USPL1: variants seen among roughly 807,000 people sequenced by gnomAD.
USPL1 encodes ubiquitin specific peptidase like 1, also known as SUMO-specific isopeptidase USPL1.
USPL1 carries 27 observed loss-of-function variants against 51.5 expected under a neutral mutation model. The ratio of observed to expected loss-of-function variants is 0.52; its 90% CI spans 0.39 to 0.72. The LOEUF (loss-of-function observed/expected upper bound fraction) is 0.72, where lower values mean the gene tolerates loss of function less well. Ranked by LOEUF, USPL1 falls within the 30% of genes least tolerant of loss-of-function variation. The pLI is 0.00. For synonymous variants in USPL1, 451 were observed against 459.6 expected, an observed-to-expected ratio of 0.98 and a Z score of 0.24; for missense variants, 1,226 against 1,268.0, an observed-to-expected ratio of 0.97 and a Z score of 0.50.
chr13:30,628,809 C>T (rs1221495915), intron 3 of USPL1, among the ~76,000 whole-genome samples: 3 of 152,192 alleles, frequency 2.0e-5, no homozygotes, highest in Non-Finnish European at 2.9e-5. Context: ...GTTTGAGTTG[C>T]TTTCACTTTT....
chr13:30,627,325 AAG>A (rs1468519575), intron 3 of USPL1, among the ~76,000 whole-genome samples: 1 of 152,182 alleles, frequency 6.6e-6, no homozygotes, highest in East Asian at 1.9e-4. Context: ...ATTTTATAAA[AAG>A]AAAAAAGATA....
chr13:30,629,967 T>TATC (rs1456844016), intron 3 of USPL1, among the ~76,000 whole-genome samples: 1 of 145,556 alleles, frequency 6.9e-6, no homozygotes, highest in African/African-American at 2.8e-5. Context: ...AATTAACTAT[T>TATC]ATTATTATTA....
intron 6 of USPL1, among the ~76,000 whole-genome samples, chr13:30,644,958 T>C (rs1296290189): frequency 6.6e-6 from 1 of 152,210 alleles, no homozygotes; most frequent in Non-Finnish European, 1.5e-5. Flanking sequence ...CATTGCTTTA[T>C]ATAAATTCTC....
intron 5 of USPL1, among the ~76,000 whole-genome samples, chr13:30,640,454 C>T (rs986150518): frequency 6.6e-6 from 1 of 152,254 alleles, no homozygotes; most frequent in African/African-American, 2.4e-5. Flanking sequence ...CTTTGGGAGG[C>T]CGAGGCGGGT....
chr13:30,620,582 A>G (rs1248209578), intron 1 of USPL1, among the ~76,000 whole-genome samples: 1 of 152,186 alleles, frequency 6.6e-6, no homozygotes, highest in Non-Finnish European at 1.5e-5. Context: ...AATAAGTAGT[A>G]TTTTTCCCAA....
At position 30,621,191 on chromosome 13, in the gene USPL1, G is replaced by T. The variant is rs1390161284; in HGVS notation, c.51G>T (p.Gly17=). The T allele has an allele frequency of 1.2e-6, 2 of 1,607,838 alleles. No individual in the cohort carries two copies. Among genetic ancestry groups the T allele is most frequent in the Non-Finnish European group, 1.7e-6 (2 of 1,177,920 alleles). Residue 17 remains glycine (G), a synonymous_variant, in exon 2 of 9, where the codon GGG becomes GGT. Coordinates refer to ENST00000255304, the MANE Select transcript of USPL1 (RefSeq NM_005800.5). ...IGNGLPVIGP[G]TDIGISSLHM... ...ATGGTTTGCCAGTGATTGGACCAGG[G>T]ACTGATATAGGGATATCTTCACTCC...
chr13:30,659,264 GAT>G lies in USPL1; in HGVS notation c.3188_3189del (p.Asp1063GlyfsTer14). On this transcript the variant is annotated frameshift_variant, in exon 9 of 9. Coordinates refer to ENST00000255304, the MANE Select transcript of USPL1 (RefSeq NM_005800.5). LOFTEE classifies it high-confidence loss of function. ...LESPMKTDIF[D>X]EFFSSSALNA... Reference sequence around the variant, plus strand: ...GAGTCCGATGAAGACTGATATTTTCGATGAGTTTTTTTCCTCCTCAGCATTAA... The same window carrying G: ...GAGTCCGATGAAGACTGATATTTTCGGAGTTTTTTTCCTCCTCAGCATTAA... 1 of 1,614,072 alleles carries G rather than the reference GAT, an allele frequency of 6.2e-7. No homozygotes were observed. The highest frequency in any genetic ancestry group is 8.5e-7 in the Non-Finnish European group (1 of 1,180,002).
Position 30,659,018 on chromosome 13 carries a change from G to T in USPL1, c.2941G>T (p.Val981Phe), listed in dbSNP as rs776305784. ...AGCGGAATTATTGTCTCCTACACCT[G>T]TTTCAACAGAGCTGTCAGAAAATGG... ...ILAELLSPTP[V>F]STELSENGEG... Residue 981 changes from valine (V) to phenylalanine (F), a missense_variant, in exon 9 of 9, where the codon GTT (valine) becomes TTT (phenylalanine). Physicochemically the swap from Val to Phe is conservative, Grantham distance 50. Coordinates refer to ENST00000255304, the MANE Select transcript of USPL1 (RefSeq NM_005800.5). 6.2e-7 allele frequency: 1 copy of T among 1,614,172 alleles called. No individual in the cohort carries two copies. The highest frequency in any genetic ancestry group is 1.7e-5 in the Admixed American group (1 of 60,020).
intron 3 of USPL1, among the ~76,000 whole-genome samples, chr13:30,627,997 C>T (rs1268263170): frequency 6.6e-6 from 1 of 151,696 alleles, no homozygotes; most frequent in Non-Finnish European, 1.5e-5. Context: ...CTCCCTCAGC[C>T]TCCTGAGTAG....
In USPL1 at chr13:30,658,818, C is replaced by G. The variant is rs1285662630; in HGVS notation, c.2741C>G (p.Thr914Arg). The G allele has an allele frequency of 1.2e-6, 2 of 1,613,938 alleles. No individual in the cohort carries two copies. The highest frequency in any genetic ancestry group is 2.2e-5 in the South Asian group (2 of 91,074). Residue 914 changes from threonine (T) to arginine (R), a missense_variant, in exon 9 of 9, where the codon ACA becomes AGA. Physicochemically the swap from Thr to Arg is moderately conservative, Grantham distance 71. Coordinates refer to ENST00000255304, the MANE Select transcript of USPL1 (RefSeq NM_005800.5). ...AALMSSPQSR[T>R]VRSENLEQVP... ...CTTATGTCTTCCCCGCAAAGCAGAA[C>G]AGTTCGAAGTGAAAATCTAGAACAG...
intron 5 of USPL1, among the ~76,000 whole-genome samples, chr13:30,640,827 C>G (rs147218350): frequency 1.3e-5 from 2 of 152,152 alleles, no homozygotes; most frequent in Non-Finnish European, 2.9e-5. Context: ...GTATAACTCG[C>G]TTGTATTATA....
intron 7 of USPL1, among the ~76,000 whole-genome samples, chr13:30,648,710 C>G (rs1048276457): frequency 2.0e-5 from 3 of 152,092 alleles, no homozygotes; most frequent in African/African-American, 7.2e-5. Context: ...GGACTCATAT[C>G]TTTTTTGCCC....
rs199678704 is a variant in USPL1 at position 30,659,143 on chromosome 13, G to C, written c.3066G>C (p.Gln1022His). 6.8e-6 allele frequency: 11 copies of C among 1,614,098 alleles called. No homozygotes were observed. Among genetic ancestry groups the C allele is most frequent in the Non-Finnish European group, 9.3e-6 (11 of 1,180,020 alleles). ...TTTCCCAGAACACACATCTGAGACA[G>C]GACCATAATTATTGTAGCCCCACCA... Reference protein sequence around the residue: ...NDVSQNTHLRQDHNYCSPTKK... With the variant: ...NDVSQNTHLRHDHNYCSPTKK... The change falls in exon 9 of 9, where the codon CAG (glutamine) becomes CAC (histidine). Residue 1022 changes from glutamine to histidine, a missense_variant. Gln to His is a conservative substitution (Grantham distance 24). Coordinates refer to ENST00000255304, the MANE Select transcript of USPL1 (RefSeq NM_005800.5).
chr13:30,626,159 T>C (rs1249367759), intron 3 of USPL1, among the ~76,000 whole-genome samples: 3 of 151,936 alleles, frequency 2.0e-5, no homozygotes, highest in Non-Finnish European at 4.4e-5. Flanking sequence ...CTACTAAAAA[T>C]ACAAAATAGC....
intron 5 of USPL1, among the ~76,000 whole-genome samples, chr13:30,639,879 C>G (rs747102589): frequency 2.0e-5 from 3 of 152,186 alleles, no homozygotes; most frequent in Non-Finnish European, 4.4e-5. Context: ...GAGTCACTAC[C>G]CTTCTTATCC....
Position 30,624,028 on chromosome 13 carries a change from G to A in USPL1, c.228+2136G>A, listed in dbSNP as rs76831707. 7.8e-3 allele frequency among the ~76,000 whole-genome samples: 1,190 copies of A among 152,252 alleles called. 20 individuals are homozygous for A. The highest frequency in any genetic ancestry group is 0.027 in the African/African-American group (1,139 of 41,558). On this transcript the variant is annotated intron_variant, in intron 3 of 8. Coordinates refer to ENST00000255304, the MANE Select transcript of USPL1 (RefSeq NM_005800.5). Reference sequence around the variant, plus strand: ...TAGTTATGCCCAAGAAGGGGGAGTGGGAACCTTTGTAGCCAGTCAGTCAGA... The same window carrying A: ...TAGTTATGCCCAAGAAGGGGGAGTGAGAACCTTTGTAGCCAGTCAGTCAGA...
At chr13:30,647,680 T>G (rs1951035925) in intron 7 of USPL1, among the ~76,000 whole-genome samples, 1 of 152,172 alleles carries the variant, frequency 6.6e-6, no homozygotes, top group African/African-American at 2.4e-5. Flanking sequence ...CACTCACACA[T>G]GTACACAACC....
intron 4 of USPL1, among the ~76,000 whole-genome samples, chr13:30,636,811 G>A (rs776938382): frequency 6.6e-6 from 1 of 152,350 alleles, no homozygotes; most frequent in African/African-American, 2.4e-5. Flanking sequence ...GAGGCTGCAA[G>A]ATGGCTTGAG....
At position 30,658,544 on chromosome 13, in the gene USPL1, C is replaced by T; in HGVS notation, c.2467C>T (p.Pro823Ser). Residue 823 changes from proline to serine, a missense_variant, in exon 9 of 9, where the codon CCT (proline) becomes TCT (serine). By Grantham distance (74) the Pro-to-Ser change is moderately conservative (BLOSUM62 -1). Transcript: ENST00000255304. ...KKARKSASKP[P>S]PISKPPAGPP... ...AGCTCGTAAGAGTGCAAGTAAGCCT[C>T]CTCCCATCAGTAAGCCACCAGCAGG... 1 of 1,614,102 alleles carries T rather than the reference C, an allele frequency of 6.2e-7. No homozygotes were observed. The highest frequency in any genetic ancestry group is 8.5e-7 in the Non-Finnish European group (1 of 1,179,988).
Sources: gnomAD v4.1 joint callset for allele counts (sites outside exome capture counted in the v4.1 genomes callset) on GRCh38, gnomAD v4.1.1 for gene constraint, MANE v1.5 for transcripts, NCBI Gene and HGNC (gene_info 2026-07-23, HGNC 2026-07-21) for gene names.